Variants in PSD3 observed in about 807,000 individuals in gnomAD.
PSD3 encodes the protein pleckstrin and Sec7 domain containing 3, also known as PH and SEC7 domain-containing protein 3.
Under a neutral mutation model 105.5 loss-of-function variants are expected in PSD3, and 49 were observed. The observed-to-expected ratio is 0.46, with a 90% CI of 0.37 to 0.59. The LOEUF (loss-of-function observed/expected upper bound fraction) is 0.59, where lower values mean the gene tolerates loss of function less well. PSD3 is among the 20% of genes least tolerant of loss of function. The probability of loss-of-function intolerance (pLI) is 0.00; values close to 1 mark genes in which losing one functional copy is unlikely to be tolerated. For synonymous variants in PSD3, 557 were observed against 457.8 expected (o/e 1.22, Z -2.77); for missense variants, 1,561 against 1,263.8 (o/e 1.24, Z -3.57).
chr8:18,703,581 A>G (rs914355979), intron 9 of PSD3, among the ~76,000 whole-genome samples: 2 of 152,230 alleles, frequency 1.3e-5, no homozygotes, highest in Non-Finnish European at 2.9e-5. Flanking sequence ...GATCCCATAT[A>G]GAGAATTCCC....
intron 1 of PSD3, among the ~76,000 whole-genome samples, chr8:18,987,987 C>A (rs1399996181): frequency 6.6e-6 from 1 of 151,792 alleles, no homozygotes; most frequent in East Asian, 2.0e-4. Context: ...ACCATGCTAG[C>A]AATGGGGCAA....
intron 4 of PSD3, among the ~76,000 whole-genome samples, chr8:18,817,515 C>T (rs1341613125): frequency 6.6e-6 from 1 of 152,170 alleles, no homozygotes; most frequent in African/African-American, 2.4e-5. Flanking sequence ...AATGGCTGGG[C>T]TTTAACATAC....
At chr8:18,567,268 GT>G (rs35837572) in intron 14 of PSD3, among the ~76,000 whole-genome samples, 76,688 of 150,670 alleles carry the variant, frequency 0.51, 20,566 homozygotes, top group African/African-American at 0.69. Context: ...ATTTTGGAAG[GT>G]TTTTTTTTTT....
At chr8:19,029,498 G>A (rs766476498) in intron 1 of PSD3, among the ~76,000 whole-genome samples, 11 of 152,110 alleles carry the variant, frequency 7.2e-5, no homozygotes, top group East Asian at 1.9e-4. Flanking sequence ...CAATCATGGC[G>A]GAAGGGGAAG....
At chr8:18,671,055 G>C (rs954110930) in intron 9 of PSD3, among the ~76,000 whole-genome samples, 4 of 152,170 alleles carry the variant, frequency 2.6e-5, no homozygotes, top group Admixed American at 6.5e-5. Flanking sequence ...ACCACAGCGA[G>C]GGTTTCATTT....
At chr8:18,541,604 A>G (rs1243281680) in intron 15 of PSD3, among the ~76,000 whole-genome samples, 1 of 152,148 alleles carries the variant, frequency 6.6e-6, no homozygotes, top group Non-Finnish European at 1.5e-5. Context: ...CTCTGTTGTC[A>G]AGATGCCACA....
intron 1 of PSD3, among the ~76,000 whole-genome samples, chr8:19,072,573 A>C (rs1829306466): frequency 6.6e-6 from 1 of 152,172 alleles, no homozygotes; most frequent in African/African-American, 2.4e-5. Context: ...GGTAAGAAAA[A>C]TCATTTCTAT....
At chr8:18,940,315 G>C (rs1822450395) in intron 1 of PSD3, 1 of 152,194 alleles carries the variant, frequency 6.6e-6, no homozygotes, top group Non-Finnish European at 1.5e-5. Flanking sequence ...AACTGAGCAG[G>C]TTAAGGTGGG....
chr8:18,923,915 T>A (rs1821191560), intron 2 of PSD3, among the ~76,000 whole-genome samples: 1 of 151,754 alleles, frequency 6.6e-6, no homozygotes, highest in Non-Finnish European at 1.5e-5. Flanking sequence ...TGTGTGTGTT[T>A]TATATATATA....
intron 2 of PSD3, among the ~76,000 whole-genome samples, chr8:18,935,004 T>C (rs1322533194): frequency 2.6e-5 from 4 of 152,176 alleles, no homozygotes; most frequent in Non-Finnish European, 5.9e-5. Context: ...TGCCTTATAC[T>C]CCTGGCTCTG....
intron 1 of PSD3, among the ~76,000 whole-genome samples, chr8:19,066,979 A>T (rs1475411611): frequency 6.6e-6 from 1 of 152,118 alleles, no homozygotes; most frequent in Non-Finnish European, 1.5e-5. Flanking sequence ...GATTATAAAC[A>T]CCTCAAAGAA....
At chr8:18,713,086 C>T (rs986628238) in intron 9 of PSD3, among the ~76,000 whole-genome samples, 1 of 152,084 alleles carries the variant, frequency 6.6e-6, no homozygotes, top group Non-Finnish European at 1.5e-5. Flanking sequence ...ATTCAATATC[C>T]CTTCATGTTA....
At chr8:18,923,915 T>TTA (rs1452582445) in intron 2 of PSD3, among the ~76,000 whole-genome samples, 11 of 151,858 alleles carry the variant, frequency 7.2e-5, no homozygotes, top group South Asian at 6.2e-4. Flanking sequence ...TGTGTGTGTT[T>TTA]TATATATATA....
At chr8:18,790,833 ACATAGACCAAAAG>A (rs1563271941) in intron 8 of PSD3, among the ~76,000 whole-genome samples, 2 of 151,914 alleles carry the variant, frequency 1.3e-5, no homozygotes, top group Non-Finnish European at 2.9e-5. Context: ...TCAGGTAAAA[ACATAGACCAAAAG>A]CTTCTCAAGG....
Position 18,849,018 on chromosome 8 carries a change from C to G in PSD3, c.1634+18656G>C, listed in dbSNP as rs140455263. On this transcript the variant is annotated intron_variant, in intron 4 of 15. Coordinates refer to ENST00000327040, the MANE Select transcript of PSD3 (RefSeq NM_015310.4). ...CCAAAGGTCAAGATGTCAGAAAATC[C>G]AAGGCCAAAATCACCTTAGATCACC... 2.4e-4 allele frequency among the ~76,000 whole-genome samples: 36 copies of G among 152,222 alleles called. No individual in the cohort carries two copies. In the East Asian group the frequency reaches 4.1e-3, roughly 17 times the overall value.
At chr8:18,822,113 T>G (rs2129449513) in intron 4 of PSD3, among the ~76,000 whole-genome samples, 1 of 152,308 alleles carries the variant, frequency 6.6e-6, no homozygotes, top group Admixed American at 6.5e-5. Flanking sequence ...CCTATTTACT[T>G]TCTATCTTTT....
intron 9 of PSD3, among the ~76,000 whole-genome samples, chr8:18,743,986 C>T (rs1418403883): frequency 1.3e-5 from 2 of 150,610 alleles, no homozygotes; most frequent in East Asian, 2.0e-4. Context: ...ACCACCACCA[C>T]CACCACCACC....
intron 1 of PSD3, among the ~76,000 whole-genome samples, chr8:19,068,761 TAA>T (rs60747980): frequency 9.9e-4 from 144 of 146,022 alleles, no homozygotes; most frequent in Middle Eastern, 3.6e-3. Context: ...AAAGTTTAAT[TAA>T]AAAAAAAAAA....
At chr8:18,783,101 C>A (rs535026994) in intron 8 of PSD3, among the ~76,000 whole-genome samples, 1 of 152,252 alleles carries the variant, frequency 6.6e-6, no homozygotes, top group African/African-American at 2.4e-5. Flanking sequence ...CGATGCAATT[C>A]ACAAGTAAAG....
Sources: allele counts gnomAD v4.1 joint callset (sites outside exome capture counted in the v4.1 genomes callset), GRCh38; gene constraint gnomAD v4.1.1; transcripts MANE v1.5; gene names NCBI Gene and HGNC (gene_info 2026-07-23, HGNC 2026-07-21).